Variants in BRINP1 observed in about 807,000 individuals in gnomAD.
BRINP1 encodes BMP/retinoic acid-inducible neural-specific protein 1.
A neutral mutation model predicts 72.9 loss-of-function variants in BRINP1; 17 were observed. The ratio of observed to expected loss-of-function variants is 0.23; its 90% CI spans 0.16 to 0.35. The LOEUF (loss-of-function observed/expected upper bound fraction) is 0.35, where lower values mean the gene tolerates loss of function less well. Ranked by LOEUF, BRINP1 falls within the 10% of genes least tolerant of loss-of-function variation. BRINP1 has a pLI of 1.00. For missense variants in BRINP1, 850 were observed against 1,001.6 expected, an observed-to-expected ratio of 0.85 and a Z score of 2.04; for synonymous variants, 418 against 378.5, an observed-to-expected ratio of 1.10 and a Z score of -1.21.
chr9:119,246,803 T>A (rs920669817), intron 3 of BRINP1, among the ~76,000 whole-genome samples: 2 of 152,224 alleles, frequency 1.3e-5, no homozygotes, highest in African/African-American at 4.8e-5. Context: ...GAGCTTTGCA[T>A]CATTTATGGC....
intron 7 of BRINP1, 50 bp from the exon 8 acceptor site, chr9:119,168,274 G>C (rs761558814): frequency 1.0e-5 from 14 of 1,387,324 alleles, no homozygotes; most frequent in African/African-American, 1.4e-5. Context: ...GAGTGGGTCT[G>C]TGAGTTACAG....
intron 5 of BRINP1, among the ~76,000 whole-genome samples, chr9:119,227,818 C>T (rs890948454): frequency 2.0e-5 from 3 of 151,962 alleles, no homozygotes; most frequent in Non-Finnish European, 1.5e-5. Flanking sequence ...TATTCACTCT[C>T]TGTCTTTTCA....
At chr9:119,288,098 A>T (rs1830784857) in intron 2 of BRINP1, among the ~76,000 whole-genome samples, 1 of 152,220 alleles carries the variant, frequency 6.6e-6, no homozygotes, top group Non-Finnish European at 1.5e-5. Flanking sequence ...ATATTATATT[A>T]CAGGATGGGA....
At chr9:119,309,160 C>T (rs573750332) in intron 2 of BRINP1, among the ~76,000 whole-genome samples, 1 of 152,260 alleles carries the variant, frequency 6.6e-6, no homozygotes, top group African/African-American at 2.4e-5. Flanking sequence ...ATTCTAAACT[C>T]TATATATTTG....
At position 119,167,067 on chromosome 9, in the gene BRINP1, T is replaced by C. The variant is rs764250014; in HGVS notation, c.*17A>G. The C allele has an allele frequency of 1.3e-6, 2 of 1,574,794 alleles. No individual in the cohort carries two copies. The highest frequency in any genetic ancestry group is 2.3e-5 in the East Asian group (1 of 44,414). ...TGTGTACAACAACAGGAAAAGTCCATGGCAAGGAGTCCCGGGTTAGCAGAG... is the reference window on the plus strand; with the variant it reads ...TGTGTACAACAACAGGAAAAGTCCACGGCAAGGAGTCCCGGGTTAGCAGAG... On this transcript the variant is annotated 3_prime_UTR_variant, in exon 8 of 8. Transcript: ENST00000265922. The surrounding 1 kb of genome is among the most constrained non-coding windows in gnomAD (Gnocchi z 4.3).
intron 7 of BRINP1, among the ~76,000 whole-genome samples, chr9:119,202,995 G>A (rs1050690323): frequency 6.6e-6 from 1 of 152,096 alleles, no homozygotes; most frequent in African/African-American, 2.4e-5. Flanking sequence ...GCTTGGGCTT[G>A]AGAGTTAATT....
chr9:119,208,723 C>T lies in BRINP1; in HGVS notation c.1141G>A (p.Glu381Lys), dbSNP rs1381579930. The change falls in exon 7 of 8, where the codon GAG becomes AAG. Residue 381 changes from glutamate (E) to lysine (K), a missense_variant. Coordinates refer to ENST00000265922, the MANE Select transcript of BRINP1 (RefSeq NM_014618.3). ...RHNPNHQLPR[E>K]RTIQQWLARV... is the part of the protein sequence containing the mutation. The stretch of plus-strand genomic sequence containing the variant: ...GGAGGTGGTGGCAACACTTACCTCT[C>T]TCTAGGCAGCTGGTGGTTGGGATTG... 1.2e-6 allele frequency: 2 copies of T among 1,612,668 alleles called. No homozygotes were observed. The highest frequency in any genetic ancestry group is 2.7e-5 in the African/African-American group (2 of 74,908).
intron 2 of BRINP1, among the ~76,000 whole-genome samples, chr9:119,312,333 T>C (rs1831076916): frequency 6.6e-6 from 1 of 152,178 alleles, no homozygotes; most frequent in Non-Finnish European, 1.5e-5. Flanking sequence ...CAAAAATCAC[T>C]CTGGGGAGGA....
chr9:119,278,326 C>A (rs1418762195), intron 2 of BRINP1, among the ~76,000 whole-genome samples: 1 of 152,182 alleles, frequency 6.6e-6, no homozygotes, highest in East Asian at 1.9e-4. Flanking sequence ...GAGCCTTAAT[C>A]TTTCTGAGCA....
intron 4 of BRINP1, among the ~76,000 whole-genome samples, chr9:119,239,617 C>T (rs1246371316): frequency 2.6e-5 from 4 of 152,138 alleles, no homozygotes; most frequent in East Asian, 3.9e-4. Flanking sequence ...GGGAGGCAGC[C>T]ACATGCACCT....
intron 1 of BRINP1, among the ~76,000 whole-genome samples, chr9:119,364,982 A>G (rs1484764735): frequency 6.6e-6 from 1 of 152,268 alleles, no homozygotes; most frequent in Non-Finnish European, 1.5e-5. Context: ...GAGATGCAAC[A>G]GGAAATGCAA....
intron 1 of BRINP1, among the ~76,000 whole-genome samples, chr9:119,324,936 C>T (rs1437767807): frequency 6.6e-6 from 1 of 152,026 alleles, no homozygotes; most frequent in African/African-American, 2.4e-5. Flanking sequence ...CCCATCTCTA[C>T]TAAAAATACA....
At chr9:119,208,970 G>A in intron 6 of BRINP1, 29 bp from the exon 7 acceptor site, 1 of 1,581,056 alleles carries the variant, frequency 6.3e-7, no homozygotes, top group Non-Finnish European at 8.7e-7. Flanking sequence ...CGAGAGAGAA[G>A]GGCTAAGCAT....
chr9:119,247,883 G>A (rs1254244198), intron 3 of BRINP1, among the ~76,000 whole-genome samples: 1 of 152,146 alleles, frequency 6.6e-6, no homozygotes, highest in Non-Finnish European at 1.5e-5. Context: ...GCAAATAACT[G>A]TTAAGTAGTG....
rs1267565202 is a variant in BRINP1 at position 119,368,779 on chromosome 9, C to T, written c.-51+277G>A. Among the ~76,000 whole-genome samples the T allele has an allele frequency of 6.6e-6, 1 of 152,174 alleles. No individual in the cohort carries two copies. The highest frequency in any genetic ancestry group is 1.5e-5 in the Non-Finnish European group (1 of 68,038). On this transcript the variant is annotated intron_variant, in intron 1 of 7. Transcript: ENST00000265922. The surrounding 1 kb of genome is among the most constrained non-coding windows in gnomAD (Gnocchi z 4.7). ...GACGCCGCACACGCAAACACACTAG[C>T]ACCACATCAAGTTCCCACCATGGTG...
At chr9:119,364,334 G>C (rs1335932336) in intron 1 of BRINP1, among the ~76,000 whole-genome samples, 4 of 152,172 alleles carry the variant, frequency 2.6e-5, no homozygotes, top group Non-Finnish European at 4.4e-5. Context: ...AGGCTGGTTT[G>C]TGCGGTAATG....
chr9:119,167,272 G>T lies in BRINP1; in HGVS notation c.2098C>A (p.Arg700=). Residue 700 remains arginine (R), a synonymous_variant, in exon 8 of 8, where the codon CGG becomes AGG. Coordinates refer to ENST00000265922, the MANE Select transcript of BRINP1 (RefSeq NM_014618.3). This position sits in a 1 kb window ranked among gnomAD's most constrained non-coding sequence, Gnocchi z 4.3. ...GGGGCCAGGCGATTAATTCGGTCCC[G>T]AATATCCAACAAGAGGAGCATCACT... ...SSVMLLLLDI[R]DRINRLAPPV... is the part of the protein sequence containing the mutation. The T allele has an allele frequency of 1.9e-6, 3 of 1,614,134 alleles. No individual in the cohort carries two copies. The highest frequency in any genetic ancestry group is 1.1e-5 in the South Asian group (1 of 91,072).
At chr9:119,348,747 A>G (rs1018013053) in intron 1 of BRINP1, among the ~76,000 whole-genome samples, 3 of 152,168 alleles carry the variant, frequency 2.0e-5, no homozygotes, top group East Asian at 1.9e-4. Context: ...ATGGTGTCAT[A>G]TGTGTGGGCT....
intron 1 of BRINP1, among the ~76,000 whole-genome samples, chr9:119,320,999 C>T (rs896028403): frequency 2.0e-5 from 3 of 151,892 alleles, no homozygotes; most frequent in African/African-American, 4.8e-5. Flanking sequence ...GGCGCTATCT[C>T]GGCTCACTGC....
Sources: allele counts gnomAD v4.1 joint callset (sites outside exome capture counted in the v4.1 genomes callset), GRCh38; gene constraint gnomAD v4.1.1; non-coding constraint Gnocchi (gnomAD v3.1); transcripts MANE v1.5; gene names NCBI Gene and HGNC (gene_info 2026-07-23, HGNC 2026-07-21).